Variants in WWOX observed in about 807,000 individuals in gnomAD.
WWOX encodes WW domain containing oxidoreductase, also known as WW domain-containing oxidoreductase.
A neutral mutation model predicts 46.2 loss-of-function variants in WWOX; 69 were observed. The ratio of observed to expected loss-of-function variants is 1.49; its 90% CI spans 1.23 to 1.82. The LOEUF (loss-of-function observed/expected upper bound fraction) is 1.82, where lower values mean the gene tolerates loss of function less well. Ranked by LOEUF, WWOX falls within the 40% of genes most tolerant of loss-of-function variation. WWOX has a pLI of 0.00. For missense variants in WWOX, 919 were observed against 542.6 expected, an observed-to-expected ratio of 1.69 and a Z score of -6.89; for synonymous variants, 359 against 202.6, an observed-to-expected ratio of 1.77 and a Z score of -6.56.
At chr16:78,621,592 C>CTGTTTTTTT (rs2046184592) in intron 8 of WWOX, among the ~76,000 whole-genome samples, 1 of 31,512 alleles carries the variant, frequency 3.2e-5, no homozygotes, top group African/African-American at 1.3e-4. Flanking sequence ...TTGTTCTAAT[C>CTGTTTTTTT]TTTTTTTTTT....
chr16:78,276,453 C>A (rs7200858), intron 5 of WWOX, among the ~76,000 whole-genome samples: 2,222 of 152,290 alleles, frequency 0.015, 61 homozygotes, highest in African/African-American at 0.052. Context: ...TGTCAAGGAA[C>A]AATGCACAAA....
intron 8 of WWOX, among the ~76,000 whole-genome samples, chr16:78,851,687 A>T (rs2052447810): frequency 6.6e-6 from 1 of 152,218 alleles, no homozygotes; most frequent in Admixed American, 6.5e-5. Context: ...TCAAAATACA[A>T]GGTGACTCCA....
At chr16:79,138,294 T>A (rs1355243142) in intron 8 of WWOX, among the ~76,000 whole-genome samples, 2 of 152,208 alleles carry the variant, frequency 1.3e-5, no homozygotes, top group Admixed American at 1.3e-4. Context: ...TTCGTCATGA[T>A]CCTTTTGTGT....
At chr16:79,098,502 C>A (rs2049122585) in intron 8 of WWOX, among the ~76,000 whole-genome samples, 1 of 152,254 alleles carries the variant, frequency 6.6e-6, no homozygotes, top group African/African-American at 2.4e-5. Context: ...TTCTTCACCC[C>A]TTCCCTGGTA....
chr16:78,657,538 C>T (rs377417655), intron 8 of WWOX, among the ~76,000 whole-genome samples: 7 of 152,172 alleles, frequency 4.6e-5, no homozygotes, highest in East Asian at 3.9e-4. Flanking sequence ...CAGAGTCTAA[C>T]CCCTCCTCTA....
In WWOX at chr16:78,774,259, G is replaced by A. The variant is rs189383072; in HGVS notation, c.1056+341507G>A. ...CTACTCAAAATACAAAAATTAGCTG[G>A]GCGTGGTAGCAGGCGCCTGTAATCC... On this transcript the variant is annotated intron_variant, in intron 8 of 8. Transcript: ENST00000566780. Among the ~76,000 whole-genome samples the A allele has an allele frequency of 3.3e-5, 5 of 152,230 alleles. No individual in the cohort carries two copies. In the East Asian group the frequency reaches 9.7e-4, roughly 29 times the overall value.
intron 8 of WWOX, among the ~76,000 whole-genome samples, chr16:78,816,690 T>C (rs2051339477): frequency 6.6e-6 from 1 of 152,104 alleles, no homozygotes; most frequent in Non-Finnish European, 1.5e-5. Context: ...GACACTTTTA[T>C]GTCACTTTAA....
chr16:78,124,845 G>T lies in WWOX; in HGVS notation c.409+9691G>T, dbSNP rs72802974. Among the ~76,000 whole-genome samples the T allele has an allele frequency of 6.9e-3, 1,048 of 152,242 alleles. 6 individuals are homozygous for T. The highest frequency in any genetic ancestry group is 0.011 in the Non-Finnish European group (756 of 68,026). ...TGGTGCTCTCTGAAAGCAAGACAAG[G>T]TTTCTTCACTAGACTCTAAGAGGAG... is the stretch of plus-strand genomic sequence containing the variant. On this transcript the variant is annotated intron_variant, in intron 4 of 8. Transcript: ENST00000566780.
intron 6 of WWOX, among the ~76,000 whole-genome samples, chr16:78,414,740 T>A (rs181577375): frequency 6.6e-6 from 1 of 152,332 alleles, no homozygotes; most frequent in African/African-American, 2.4e-5. Flanking sequence ...CCTAACGTGG[T>A]GGCCTTTCAT....
At chr16:78,793,803 A>G (rs1479730180) in intron 8 of WWOX, among the ~76,000 whole-genome samples, 1 of 152,060 alleles carries the variant, frequency 6.6e-6, no homozygotes, top group Non-Finnish European at 1.5e-5. Flanking sequence ...TGGCTGGGCA[A>G]GGTGGCTCAC....
chr16:79,192,794 C>G (rs990836461), intron 8 of WWOX, among the ~76,000 whole-genome samples: 3 of 152,192 alleles, frequency 2.0e-5, no homozygotes, highest in Admixed American at 1.3e-4. Flanking sequence ...CATCCCGTTT[C>G]ACATTTGAAT....
At chr16:78,366,969 ATTTTTTTTTTTT>A (rs544239767) in intron 5 of WWOX, among the ~76,000 whole-genome samples, 63 of 74,242 alleles carry the variant, frequency 8.5e-4, no homozygotes, top group African/African-American at 3.2e-3. Context: ...CAAAAGTTAC[ATTTTTTTTTTTT>A]TTTTTTTTTT....
intron 8 of WWOX, among the ~76,000 whole-genome samples, chr16:78,457,705 G>A (rs60876527): frequency 0.041 from 6,199 of 152,026 alleles, 236 homozygotes; most frequent in African/African-American, 0.1. Flanking sequence ...CCTGAGGTCA[G>A]GAGTTCGAGA....
intron 8 of WWOX, among the ~76,000 whole-genome samples, chr16:78,960,369 G>A (rs771387039): frequency 6.6e-6 from 1 of 152,212 alleles, no homozygotes; most frequent in Non-Finnish European, 1.5e-5. Flanking sequence ...GCTGCTGAGT[G>A]ACTGGGCTGA....
chr16:78,140,792 G>A (rs2033960093), intron 4 of WWOX, among the ~76,000 whole-genome samples: 1 of 152,182 alleles, frequency 6.6e-6, no homozygotes, highest in South Asian at 2.1e-4. Flanking sequence ...GAGGTACTGG[G>A]CTTAGGACTT....
At position 78,831,777 on chromosome 16, in the gene WWOX, T is replaced by C. The variant is rs2051833027; in HGVS notation, c.1057-379831T>C. On this transcript the variant is annotated intron_variant, in intron 8 of 8. Coordinates refer to ENST00000566780, the MANE Select transcript of WWOX (RefSeq NM_016373.4). ...GAAAATAATGATTATAACTATGACC[T>C]CCAGAAGCTTTTACTGAGCATCTAT... Among the ~76,000 whole-genome samples the C allele has an allele frequency of 2.0e-5, 3 of 152,178 alleles. No homozygotes were observed. The South Asian group carries it at 6.2e-4, about 31-fold the overall frequency.
chr16:78,829,683 A>C (rs2051761827), intron 8 of WWOX, among the ~76,000 whole-genome samples: 1 of 152,146 alleles, frequency 6.6e-6, no homozygotes, highest in African/African-American at 2.4e-5. Flanking sequence ...GTCATGTCTC[A>C]TTCAGTTCCC....
chr16:78,728,714 C>T (rs756264590), intron 8 of WWOX, among the ~76,000 whole-genome samples: 2 of 152,168 alleles, frequency 1.3e-5, no homozygotes, highest in African/African-American at 4.8e-5. Flanking sequence ...TAGCCTTTTC[C>T]AGTTTTCACA....
chr16:79,208,841 A>G (rs2051612880), intron 8 of WWOX, among the ~76,000 whole-genome samples: 1 of 152,212 alleles, frequency 6.6e-6, no homozygotes, highest in East Asian at 1.9e-4. Context: ...GTACGGCTGA[A>G]AATTCTCCAA....
Sources: gnomAD v4.1 joint callset for allele counts (sites outside exome capture counted in the v4.1 genomes callset) on GRCh38, gnomAD v4.1.1 for gene constraint, MANE v1.5 for transcripts, NCBI Gene and HGNC (gene_info 2026-07-23, HGNC 2026-07-21) for gene names.